The following NR3C1 variants were observed in gnomAD, a reference collection of about 807,000 sequenced individuals.
NR3C1 encodes the protein glucocorticoid receptor.
Under a neutral mutation model 74.0 loss-of-function variants are expected in NR3C1, and 14 were observed. The ratio of observed to expected loss-of-function variants is 0.19; its 90% CI spans 0.12 to 0.30. The LOEUF is 0.30. Among genes scored for constraint, NR3C1 ranks in the 10% least tolerant of loss-of-function variants. NR3C1 has a pLI of 1.00. For synonymous variants in NR3C1, 308 were observed against 332.5 expected (o/e 0.93, Z 0.80); for missense variants, 695 against 909.8 (o/e 0.76, Z 3.04).
At chr5:143,425,561 G>A (rs1183147768) in intron 1 of NR3C1, among the ~76,000 whole-genome samples, 2 of 152,120 alleles carry the variant, frequency 1.3e-5, no homozygotes, top group African/African-American at 4.8e-5. Flanking sequence ...TCAAAAAAAG[G>A]CAAATGACCT....
At chr5:143,406,457 G>A (rs1600659444), upstream of NR3C1, among the ~76,000 whole-genome samples, 4 of 148,888 alleles carry the variant, frequency 2.7e-5, no homozygotes, top group Admixed American at 2.7e-4. Flanking sequence ...CAATCTAAAT[G>A]TGCCTGTTAA....
rs191443867 is a variant in NR3C1, at chr5:143,279,941, C to T, written c.*1948G>A. The T allele has an allele frequency of 6.5e-6, 1 of 152,968 alleles. No homozygotes were observed. The highest frequency in any genetic ancestry group is 1.9e-4 in the East Asian group (1 of 5,208). The allele number at this position is 152,968 out of a possible 1,614,324, so 9.5% of individuals were successfully genotyped here. The stretch of plus-strand genomic sequence containing the variant: ...TTAGTGCAAGGGGAGATTGAGTAAA[C>T]TAAACCTGCGCTGACAGACTCACTG... On this transcript the variant is annotated 3_prime_UTR_variant, in exon 9 of 9. Coordinates refer to ENST00000394464, the MANE Select transcript of NR3C1 (RefSeq NM_000176.3).
intron 2 of NR3C1, among the ~76,000 whole-genome samples, chr5:143,385,999 A>G (rs1176784505): frequency 1.3e-5 from 2 of 152,216 alleles, no homozygotes; most frequent in African/African-American, 2.4e-5. Flanking sequence ...AAGAGGTTCA[A>G]CTGACTCATA....
chr5:143,309,296 C>G (rs1386392472), intron 4 of NR3C1, among the ~76,000 whole-genome samples: 1 of 152,142 alleles, frequency 6.6e-6, no homozygotes, highest in Middle Eastern at 3.2e-3. Flanking sequence ...TGATCTTGAT[C>G]TCTTGACCTC....
In NR3C1 at chr5:143,304,158, A is replaced by G. The variant is rs13359753; in HGVS notation, c.1469-3395T>C. 4.4e-3 allele frequency among the ~76,000 whole-genome samples: 668 copies of G among 152,266 alleles called. 2 individuals carry two copies. The highest frequency in any genetic ancestry group is 0.015 in the African/African-American group (639 of 41,578). ...TTTTCACTTATGATTCTATACCTAG[A>G]AAACCCTGAAGACTCTGTCAAAAGG... is the stretch of plus-strand genomic sequence containing the variant. On this transcript the variant is annotated intron_variant, in intron 4 of 8. Transcript: ENST00000394464.
intron 2 of NR3C1, among the ~76,000 whole-genome samples, chr5:143,375,072 C>T (rs1348879258): frequency 1.3e-5 from 2 of 152,184 alleles, no homozygotes; most frequent in Admixed American, 6.5e-5. Flanking sequence ...TATATTTGAA[C>T]ACAGCTTCTC....
chr5:143,402,707 C>G, intron 1 of NR3C1: 1 of 985,430 alleles, frequency 1.0e-6, no homozygotes, highest in South Asian at 4.7e-5. Context: ...CACCCTCACG[C>G]GCCCCGCACG....
intron 1 of NR3C1, among the ~76,000 whole-genome samples, chr5:143,430,513 C>A (rs916018067): frequency 6.6e-6 from 1 of 152,156 alleles, no homozygotes; most frequent in African/African-American, 2.4e-5. Flanking sequence ...AAATCCTAAC[C>A]CCCAATATGA....
intron 2 of NR3C1, among the ~76,000 whole-genome samples, chr5:143,374,736 T>C (rs1273365846): frequency 1.3e-5 from 2 of 152,128 alleles, no homozygotes; most frequent in East Asian, 1.9e-4. Flanking sequence ...ACACTTCACC[T>C]TGCCAGGCTC....
chr5:143,363,509 C>T (rs1832651666), intron 2 of NR3C1, among the ~76,000 whole-genome samples: 1 of 151,844 alleles, frequency 6.6e-6, no homozygotes, highest in Non-Finnish European at 1.5e-5. Context: ...GGAGGTGGAG[C>T]TTGCAGTGAG....
intron 7 of NR3C1, among the ~76,000 whole-genome samples, chr5:143,286,904 C>T (rs1814622887): frequency 6.6e-6 from 1 of 151,002 alleles, no homozygotes; most frequent in Non-Finnish European, 1.5e-5. Flanking sequence ...ATATTAGAGT[C>T]CTTCAATGTA....
intron 4 of NR3C1, among the ~76,000 whole-genome samples, chr5:143,309,884 G>A (rs1820533558): frequency 6.6e-6 from 1 of 152,100 alleles, no homozygotes; most frequent in Non-Finnish European, 1.5e-5. Flanking sequence ...TGAATTCAGT[G>A]TGTGTAAGAA....
At chr5:143,302,103 T>C (rs1000845875) in intron 4 of NR3C1, among the ~76,000 whole-genome samples, 5 of 152,088 alleles carry the variant, frequency 3.3e-5, no homozygotes, top group Non-Finnish European at 5.9e-5. Flanking sequence ...TTCTGCCATG[T>C]TGTAGCTGGA....
chr5:143,381,499 A>G (rs1185387165), intron 2 of NR3C1, among the ~76,000 whole-genome samples: 1 of 152,042 alleles, frequency 6.6e-6, no homozygotes, highest in Admixed American at 6.6e-5. Context: ...CATCCTGAAC[A>G]AAAAAAATAA....
At chr5:143,422,002 T>A (rs1432690301) in intron 1 of NR3C1, among the ~76,000 whole-genome samples, 4 of 152,128 alleles carry the variant, frequency 2.6e-5, no homozygotes, top group Admixed American at 2.0e-4. Context: ...GCTGAAGTGG[T>A]GTTCACTGCT....
At position 143,281,160 on chromosome 5, in the gene NR3C1, G is replaced by A. The variant is rs972468232; in HGVS notation, c.*729C>T. 2 of 134,280 alleles carry A rather than the reference G, an allele frequency of 1.5e-5. No homozygotes were observed. Among genetic ancestry groups the A allele is most frequent in the African/African-American group, 2.7e-5 (1 of 36,730 alleles). The allele number at this position is 134,280 out of a possible 1,614,324, so 8.3% of individuals were successfully genotyped here. ...TTTGACAAGAATACTGGAGATTTGA[G>A]TCAATTTTTGTGGTCTTCTGATAGC... On this transcript the variant is annotated 3_prime_UTR_variant, in exon 9 of 9. Transcript: ENST00000394464.
chr5:143,369,914 G>A lies in NR3C1; in HGVS notation c.1184+29742C>T, dbSNP rs769578200. ...TGACAATATCAGATCAAAAGGTGAAGGAGTATTCAGTTATCAGTCTCAAGT... is the reference window on the plus strand; with the variant it reads ...TGACAATATCAGATCAAAAGGTGAAAGAGTATTCAGTTATCAGTCTCAAGT... On this transcript the variant is annotated intron_variant, in intron 2 of 8. Transcript: ENST00000394464. Among the ~76,000 whole-genome samples the A allele has an allele frequency of 2.0e-5, 3 of 152,178 alleles. No individual in the cohort carries two copies. In the East Asian group the frequency reaches 5.8e-4, roughly 29 times the overall value.
At chr5:143,293,710 CAGTAGTCTATCATAGT>C (rs373418825) in intron 7 of NR3C1, among the ~76,000 whole-genome samples, 1 of 151,870 alleles carries the variant, frequency 6.6e-6, no homozygotes, top group Non-Finnish European at 1.5e-5. Context: ...ATACCTATTC[CAGTAGTCTATCATAGT>C]AGAAGTCTAT....
upstream of NR3C1, chr5:143,404,011 AG>A (rs1008260172): frequency 1.6e-5 from 16 of 984,830 alleles, no homozygotes; most frequent in Non-Finnish European, 1.9e-5. Flanking sequence ...CGGCGTTAAG[AG>A]GGCCACCGAG....
Sources: allele counts gnomAD v4.1 joint callset (sites outside exome capture counted in the v4.1 genomes callset), GRCh38; gene constraint gnomAD v4.1.1; transcripts MANE v1.5; gene names NCBI Gene and HGNC (gene_info 2026-07-23, HGNC 2026-07-21).